The following CEACAM20 variants were observed in gnomAD, a reference collection of about 807,000 sequenced individuals.
CEACAM20 encodes cell adhesion molecule CEACAM20.
A neutral mutation model predicts 61.2 loss-of-function variants in CEACAM20; 50 were observed. The ratio of observed to expected loss-of-function variants is 0.82; its 90% CI spans 0.65 to 1.03. The LOEUF (loss-of-function observed/expected upper bound fraction) is 1.03. CEACAM20 is among the 50% of genes least tolerant of loss of function. The pLI, the probability that CEACAM20 is intolerant of heterozygous loss-of-function variation, is 0.00. For synonymous variants in CEACAM20, 282 were observed against 287.7 expected (o/e 0.98, Z 0.20); for missense variants, 683 against 736.4 (o/e 0.93, Z 0.84).
chr19:44,525,142 A>T lies in CEACAM20; in HGVS notation c.155T>A (p.Phe52Tyr). ...TQSEDVVLPV[F>Y]GTPRTPQIHG... ...AATCTGGGGTGTCCTGGGGGTCCCA[A>T]ACACAGGCAGAACAACATCCTCACT... Residue 52 changes from phenylalanine (F) to tyrosine (Y), a missense_variant, in exon 2 of 12, where the codon TTT becomes TAT. Transcript: ENST00000614924. 23 of 1,610,780 alleles carry T rather than the reference A, an allele frequency of 1.4e-5. No individual in the cohort carries two copies. The highest frequency in any genetic ancestry group is 2.0e-5 in the Non-Finnish European group (23 of 1,178,628).
At chr19:44,511,228 CAG>C in intron 10 of CEACAM20, 73 bp from the exon 11 acceptor site, 1 of 1,562,762 alleles carries the variant, frequency 6.4e-7, no homozygotes, top group Non-Finnish European at 8.7e-7. Context: ...TTACACTCTT[CAG>C]GGACCGAGAG....
intron 5 of CEACAM20, among the ~76,000 whole-genome samples, 168 bp downstream of exon 5, chr19:44,520,306 A>G (rs553884012): frequency 6.6e-6 from 1 of 152,324 alleles, no homozygotes; most frequent in East Asian, 1.9e-4. Context: ...CTTCTCCACT[A>G]GAACATAAGC....
intron 8 of CEACAM20, among the ~76,000 whole-genome samples, chr19:44,512,654 C>T (rs1032588977): frequency 1.1e-4 from 16 of 152,344 alleles, no homozygotes; most frequent in African/African-American, 3.6e-4. Flanking sequence ...GCCTGTTGTC[C>T]TGCTTTTGCC....
At chr19:44,510,559 AG>A in intron 11 of CEACAM20, among the ~76,000 whole-genome samples, 1 of 36,530 alleles carries the variant, frequency 2.7e-5, no homozygotes, top group East Asian at 2.5e-3. Flanking sequence ...AAAGAAAGAA[AG>A]AAAGAAAGAA....
rs776655285 is a variant in CEACAM20, at chr19:44,520,654, TCA to T, written c.848_849del (p.Val283GlufsTer15). The T allele has an allele frequency of 6.2e-7, 1 of 1,614,004 alleles. No homozygotes were observed. The highest frequency in any genetic ancestry group is 8.5e-7 in the Non-Finnish European group (1 of 1,179,888). ...DLTCQTVNQS[V>X]NVQWFLSGQP... The stretch of plus-strand genomic sequence containing the variant: ...TGGCCACTTAGGAACCACTGGACAT[TCA>T]CACTCTGATTGACGGTTTGGCAGGT... On this transcript the variant is annotated frameshift_variant, in exon 5 of 12. Coordinates refer to ENST00000614924, the MANE Select transcript of CEACAM20 (RefSeq NM_001102597.3). LOFTEE classifies it high-confidence loss of function.
chr19:44,511,962 A>T (rs1356311808), intron 9 of CEACAM20, 55 bp downstream of exon 9: 4 of 1,506,670 alleles, frequency 2.7e-6, no homozygotes, highest in Non-Finnish European at 3.6e-6. Context: ...AAGAAGTAAG[A>T]CTATAGCAGC....
intron 11 of CEACAM20, among the ~76,000 whole-genome samples, chr19:44,510,089 A>G (rs1970927406): frequency 6.6e-6 from 1 of 152,164 alleles, no homozygotes; most frequent in Non-Finnish European, 1.5e-5. Context: ...ATTGAAAGGA[A>G]TTAAAAGAAA....
chr19:44,516,296 C>A (rs1384224129), intron 6 of CEACAM20, among the ~76,000 whole-genome samples: 1 of 152,196 alleles, frequency 6.6e-6, no homozygotes, highest in Non-Finnish European at 1.5e-5. Context: ...CATTGTCCTT[C>A]TAAGCAACTC....
chr19:44,527,648 G>A (rs1971568374), intron 1 of CEACAM20, among the ~76,000 whole-genome samples: 1 of 152,034 alleles, frequency 6.6e-6, no homozygotes, highest in African/African-American at 2.4e-5. Context: ...CCAGGAAGAG[G>A]CAACACTTAC....
chr19:44,524,634 C>T (rs996772091), intron 2 of CEACAM20, among the ~76,000 whole-genome samples: 5 of 151,952 alleles, frequency 3.3e-5, no homozygotes, highest in Admixed American at 2.0e-4. Flanking sequence ...GGCTGGAGTG[C>T]AGTGGTTCAA....
Position 44,523,989 on chromosome 19 carries a change from T to A in CEACAM20, c.469A>T (p.Lys157Ter). 6.4e-7 allele frequency: 1 copy of A among 1,550,572 alleles called. No homozygotes were observed. Among genetic ancestry groups the A allele is most frequent in the African/African-American group, 1.4e-5 (1 of 73,200 alleles). ...QRSDPIFLDV[K>*]YGPDPVEIKL... ...GAGAGAATGGAAAGGGACTCACACT[T>A]CACATCCAGGAAGATGGGGTCGCTC... Residue 157 changes from lysine to a stop codon, truncating the protein, a stop_gained, in exon 3 of 12, where the codon AAG becomes TAG. Transcript: ENST00000614924. LOFTEE classifies it high-confidence loss of function.
Position 44,517,076 on chromosome 19 carries a change from G to A in CEACAM20, c.1179C>T (p.Thr393=), listed in dbSNP as rs147094876. 1.7e-5 allele frequency: 27 copies of A among 1,608,902 alleles called. No individual in the cohort carries two copies. The highest frequency in any genetic ancestry group is 2.2e-5 in the South Asian group (2 of 89,982). The part of the protein sequence containing the change: ...AEYRWTLEHS[T]GEHLGEQLII... ...TCAGCTGCTCACCCAGGTGCTCCCC[G>A]GTGGAGTGTTCAAGAGTCCAGCGAT... The change falls in exon 6 of 12, where the codon ACC becomes ACT. Residue 393 remains threonine, a synonymous_variant. Coordinates refer to ENST00000614924, the MANE Select transcript of CEACAM20 (RefSeq NM_001102597.3).
At chr19:44,527,705 C>A (rs1026831191) in intron 1 of CEACAM20, among the ~76,000 whole-genome samples, 13 of 152,172 alleles carry the variant, frequency 8.5e-5, no homozygotes, top group Non-Finnish European at 1.9e-4. Context: ...CCCAGGACTA[C>A]AGAGCCCCTG....
intron 11 of CEACAM20, 151 bp downstream of exon 11, chr19:44,510,879 A>G: frequency 1.2e-6 from 1 of 860,510 alleles, no homozygotes; most frequent in Non-Finnish European, 1.8e-6. Flanking sequence ...CTAGAAAATG[A>G]CATGATGGAA....
chr19:44,511,816 A>G, intron 9 of CEACAM20, 144 bp from the exon 10 acceptor site: 5 of 979,418 alleles, frequency 5.1e-6, no homozygotes, highest in Non-Finnish European at 7.8e-6. Flanking sequence ...TGTCATGTCA[A>G]AGAATAAGAA....
At chr19:44,521,550 A>T (rs1045030777) in intron 4 of CEACAM20, among the ~76,000 whole-genome samples, 1 of 151,416 alleles carries the variant, frequency 6.6e-6, no homozygotes, top group Non-Finnish European at 1.5e-5. Context: ...GAGTTTGTGT[A>T]TATGTGTTGT....
chr19:44,525,069 T>G, intron 2 of CEACAM20, 32 bp downstream of exon 2: 2 of 1,603,654 alleles, frequency 1.2e-6, no homozygotes, highest in South Asian at 1.1e-5. Flanking sequence ...GAGGCAGAGA[T>G]CAGAATGACC....
rs1284115987 is a variant in CEACAM20, at chr19:44,511,633, G to A, written c.1611+4C>T. 6.2e-7 allele frequency: 1 copy of A among 1,612,464 alleles called. No homozygotes were observed. Among genetic ancestry groups the A allele is most frequent in the Admixed American group, 1.7e-5 (1 of 59,798 alleles). ...TTTAACCAAACCCAGCAGGGCCAAT[G>A]TACCTCATAGGTCTCCTCTGGAAGG... On this transcript the variant is annotated splice_donor_region_variant and intron_variant, in intron 10 of 11. Coordinates refer to ENST00000614924, the MANE Select transcript of CEACAM20 (RefSeq NM_001102597.3).
chr19:44,524,215 C>T lies in CEACAM20; in HGVS notation c.243G>A (p.Glu81=), dbSNP rs758942296. 1.2e-6 allele frequency: 2 copies of T among 1,613,950 alleles called. No individual in the cohort carries two copies. The highest frequency in any genetic ancestry group is 1.7e-5 in the Admixed American group (1 of 60,030). Reference sequence around the variant, plus strand: ...AGTAGAAGGTCACCATGTCCTTCTGCTCTATGGCAGTGCCTGGGCTGACTG... The same window carrying T: ...AGTAGAAGGTCACCATGTCCTTCTGTTCTATGGCAGTGCCTGGGCTGACTG... ...SIAVSPGTAI[E]QKDMVTFYCT... is the part of the protein sequence containing the mutation. Residue 81 remains glutamate, a synonymous_variant, in exon 3 of 12, where the codon GAG becomes GAA. Coordinates refer to ENST00000614924, the MANE Select transcript of CEACAM20 (RefSeq NM_001102597.3).
Sources: allele counts gnomAD v4.1 joint callset (sites outside exome capture counted in the v4.1 genomes callset), GRCh38; gene constraint gnomAD v4.1.1; transcripts MANE v1.5; gene names NCBI Gene and HGNC (gene_info 2026-07-23, HGNC 2026-07-21).